Variants in TPST1 observed in about 807,000 individuals in gnomAD.
TPST1 encodes protein-tyrosine sulfotransferase 1.
A neutral mutation model predicts 34.8 loss-of-function variants in TPST1; 20 were observed. The ratio of observed to expected loss-of-function variants is 0.57; its 90% CI spans 0.40 to 0.84. TPST1 has a LOEUF of 0.84. Among genes scored for constraint, TPST1 ranks in the 40% least tolerant of loss-of-function variants. TPST1 has a pLI of 0.00. For missense variants in TPST1, 353 were observed against 455.5 expected (o/e 0.78, Z 2.05); for synonymous variants, 152 against 159.4 (o/e 0.95, Z 0.35).
chr7:66,300,484 C>CAGA (rs2116035785), intron 3 of TPST1, among the ~76,000 whole-genome samples: 1 of 152,302 alleles, frequency 6.6e-6, no homozygotes, highest in East Asian at 1.9e-4. Context: ...CTTCCAAATT[C>CAGA]CTGTTAACAT....
At chr7:66,286,249 G>T (rs1375484244) in intron 2 of TPST1, among the ~76,000 whole-genome samples, 1 of 152,060 alleles carries the variant, frequency 6.6e-6, no homozygotes, top group Non-Finnish European at 1.5e-5. Flanking sequence ...TGTAATTACA[G>T]TGTCAAGACA....
intron 3 of TPST1, among the ~76,000 whole-genome samples, chr7:66,315,902 G>C (rs150926950): frequency 0.015 from 2,252 of 152,248 alleles, 57 homozygotes; most frequent in African/African-American, 0.051. Context: ...CCTGAGGTCT[G>C]GAGTTCGAGA....
chr7:66,264,983 A>C (rs1048435193), intron 2 of TPST1, among the ~76,000 whole-genome samples: 2 of 152,208 alleles, frequency 1.3e-5, no homozygotes, highest in African/African-American at 4.8e-5. Flanking sequence ...CAACAAAAAG[A>C]TAGAAATTAT....
intron 2 of TPST1, among the ~76,000 whole-genome samples, chr7:66,262,437 C>T (rs965136225): frequency 2.6e-5 from 4 of 152,244 alleles, no homozygotes; most frequent in African/African-American, 7.2e-5. Context: ...TCCTCCTAAC[C>T]CTTCTATGTT....
intron 3 of TPST1, among the ~76,000 whole-genome samples, chr7:66,311,914 C>G (rs940778836): frequency 2.5e-4 from 38 of 152,214 alleles, no homozygotes; most frequent in African/African-American, 8.7e-4. Flanking sequence ...TCTCTCCCAG[C>G]TTTGGCACTG....
chr7:66,346,987 T>G (rs1274303235), intron 3 of TPST1, among the ~76,000 whole-genome samples: 1 of 151,788 alleles, frequency 6.6e-6, no homozygotes, highest in Non-Finnish European at 1.5e-5. Context: ...TAATTCATTT[T>G]GATTTGATTT....
In TPST1 at chr7:66,205,337, C is replaced by G. The variant is rs927405559; in HGVS notation, c.-287C>G. On this transcript the variant is annotated 5_prime_UTR_variant, in exon 1 of 6. Transcript: ENST00000304842. The surrounding 1 kb of genome is among the most constrained non-coding windows in gnomAD (Gnocchi z 5.0). ...TCGCTGAGTTGGCGACCGCGGGAGA[C>G]GCTGCTGAGGCGGCTTCGGTTGCGG... 1 of 152,304 alleles carries G rather than the reference C, an allele frequency of 6.6e-6. No homozygotes were observed. Among genetic ancestry groups the G allele is most frequent in the Non-Finnish European group, 1.5e-5 (1 of 68,096 alleles). 9.4% of individuals were successfully genotyped at this position (152,304 alleles called of 1,614,324 possible). A position where few individuals can be genotyped will look rare whatever the true frequency, so the allele number is the denominator to read the frequency against.
At chr7:66,265,819 G>A (rs969516911) in intron 2 of TPST1, among the ~76,000 whole-genome samples, 2 of 152,174 alleles carry the variant, frequency 1.3e-5, no homozygotes, top group Non-Finnish European at 2.9e-5. Flanking sequence ...AGTAACTATG[G>A]TGCCCAGAAG....
intron 3 of TPST1, among the ~76,000 whole-genome samples, chr7:66,339,846 A>AAAT: frequency 6.6e-6 from 1 of 151,916 alleles, no homozygotes; most frequent in South Asian, 2.1e-4. Flanking sequence ...AAAAAAAAAA[A>AAAT]AAAAAAATCA....
chr7:66,230,093 C>A (rs1311688270), intron 1 of TPST1, among the ~76,000 whole-genome samples: 1 of 152,168 alleles, frequency 6.6e-6, no homozygotes, highest in African/African-American at 2.4e-5. Flanking sequence ...GAGGCTGAGG[C>A]AGGAGAATCA....
intron 2 of TPST1, among the ~76,000 whole-genome samples, chr7:66,270,561 G>T (rs576654983): frequency 6.6e-5 from 10 of 152,134 alleles, no homozygotes; most frequent in Admixed American, 6.5e-5. Flanking sequence ...AATTTGACAA[G>T]TCTTCTCTTT....
At chr7:66,231,637 G>A (rs1183831819) in intron 1 of TPST1, among the ~76,000 whole-genome samples, 2 of 152,254 alleles carry the variant, frequency 1.3e-5, no homozygotes, top group African/African-American at 2.4e-5. Context: ...CTCCGAGTGC[G>A]GGGCCCGCCA....
chr7:66,213,642 C>T (rs1411131570), intron 1 of TPST1, among the ~76,000 whole-genome samples: 1 of 151,646 alleles, frequency 6.6e-6, no homozygotes, highest in Non-Finnish European at 1.5e-5. Context: ...GTAGTCCCAG[C>T]TACTTGGGAG....
chr7:66,252,032 A>G (rs921603556), intron 2 of TPST1, among the ~76,000 whole-genome samples: 3 of 152,188 alleles, frequency 2.0e-5, no homozygotes, highest in Non-Finnish European at 4.4e-5. Flanking sequence ...TAGCTGGATT[A>G]TGAGCAGTAT....
the TPST1 span, among the ~76,000 whole-genome samples, chr7:66,199,279 C>T: frequency 6.7e-6 from 1 of 148,872 alleles, no homozygotes; most frequent in Non-Finnish European, 1.5e-5. Flanking sequence ...TTGTGACAGA[C>T]ACATTCATCT....
intron 3 of TPST1, among the ~76,000 whole-genome samples, chr7:66,316,341 C>T (rs1213398211): frequency 6.6e-6 from 1 of 152,184 alleles, no homozygotes; most frequent in East Asian, 1.9e-4. Context: ...GCTTAATGAT[C>T]TAAGACGGGT....
At chr7:66,254,897 C>T (rs1265415440) in intron 2 of TPST1, among the ~76,000 whole-genome samples, 1 of 152,084 alleles carries the variant, frequency 6.6e-6, no homozygotes, top group Non-Finnish European at 1.5e-5. Flanking sequence ...CCTGTAATCC[C>T]AGCACTTTGG....
intron 3 of TPST1, among the ~76,000 whole-genome samples, chr7:66,305,791 A>G (rs1791410941): frequency 6.6e-6 from 1 of 152,262 alleles, no homozygotes. Flanking sequence ...TTTAGTGAAT[A>G]TAGGGCTATT....
chr7:66,356,772 C>T (rs1792590435), intron 4 of TPST1, 53 bp from the exon 5 acceptor site: 1 of 1,611,982 alleles, frequency 6.2e-7, no homozygotes. Flanking sequence ...ACGGTCACTT[C>T]TCATGCTGAC....
Sources: allele counts gnomAD v4.1 joint callset (sites outside exome capture counted in the v4.1 genomes callset), GRCh38; gene constraint gnomAD v4.1.1; non-coding constraint Gnocchi (gnomAD v3.1); transcripts MANE v1.5; gene names NCBI Gene and HGNC (gene_info 2026-07-23, HGNC 2026-07-21).